MUC3A: variants seen among roughly 807,000 people sequenced by gnomAD.
The protein encoded by MUC3A is mucin-3A.
Under a neutral mutation model 109.0 loss-of-function variants are expected in MUC3A, and 109 were observed. That is an observed-to-expected ratio of 1.00 (90% CI 0.86 to 1.17). The LOEUF is 1.17. Among genes scored for constraint, MUC3A ranks in the 50% most tolerant of loss-of-function variants. The probability of loss-of-function intolerance (pLI) is 0.00; values close to 1 mark genes in which losing one functional copy is unlikely to be tolerated. For missense variants in MUC3A, 3,537 were observed against 2,469.4 expected (o/e 1.43, Z -9.16); for synonymous variants, 1,398 against 981.4 (o/e 1.42, Z -7.93).
In MUC3A at chr7:100,957,849, C is replaced by T. The variant is rs1296042653; in HGVS notation, c.6070C>T (p.Pro2024Ser). The change falls in exon 2 of 12, where the codon CCC becomes TCC. Residue 2024 changes from proline to serine, a missense_variant. By Grantham distance (74) the Pro-to-Ser change is moderately conservative. Transcript: ENST00000379458. ...CACTGAGACCACATCCCACAATACT[C>T]CCAGCTTGACTTCTTCGATCACAAC... ...TTTETTSHNT[P>S]SLTSSITTTE... 2.0e-5 allele frequency: 10 copies of T among 492,258 alleles called. No homozygotes were observed. The highest frequency in any genetic ancestry group is 2.9e-5 in the Non-Finnish European group (9 of 308,448). The allele number at this position is 492,258 out of a possible 1,614,324, so 30.5% of individuals were successfully genotyped here. A position where few individuals can be genotyped will look rare whatever the true frequency, so the allele number is the denominator to read the frequency against.
At position 100,964,725 on chromosome 7, in the gene MUC3A, C is replaced by T. The variant is rs757620387; in HGVS notation, c.9264C>T (p.Val3088=). The T allele has an allele frequency of 2.5e-6, 4 of 1,598,336 alleles. No homozygotes were observed. In the African/African-American group the frequency reaches 5.3e-5, roughly 21 times the overall value. Residue 3088 remains valine, a synonymous_variant, in exon 6 of 12, where the codon GTC becomes GTT. Coordinates refer to ENST00000379458, the MANE Select transcript of MUC3A (RefSeq NM_005960.2). ...RNGSIVVDYL[V]LLEMPFSPQL... is the part of the protein sequence containing the mutation. ...GCAGCATCGTGGTGGACTACCTGGT[C>T]CTGCTGGAGATGCCCTTCAGCCCCC... is the stretch of plus-strand genomic sequence containing the variant.
Position 100,965,762 on chromosome 7 carries a change from G to A in MUC3A, c.9507G>A (p.Glu3169=), listed in dbSNP as rs753775489. The A allele has an allele frequency of 3.8e-6, 6 of 1,598,448 alleles. No homozygotes were observed. The South Asian group carries it at 6.6e-5, about 18-fold the overall frequency. Residue 3169 remains glutamate (E), a synonymous_variant, in exon 8 of 12, where the codon GAG becomes GAA. Coordinates refer to ENST00000379458, the MANE Select transcript of MUC3A (RefSeq NM_005960.2). The stretch of plus-strand genomic sequence containing the variant: ...AAGAGTTCTACTTCCCCTTGGTGGA[G>A]GCCACCCGGCTCCGCTGTGTCACCA... ...GYEEFYFPLV[E]ATRLRCVTKC...
rs769344135 is a variant in MUC3A, at chr7:100,952,751, C to T, written c.972C>T (p.Thr324=). Residue 324 remains threonine, a synonymous_variant, in exon 2 of 12, where the codon ACC becomes ACT. Transcript: ENST00000379458. Reference sequence around the variant, plus strand: ...CCTTGGTGACCACACTCCCCACTACCATCAGCAGGTCTACACCTACATCTG... The same window carrying T: ...CCTTGGTGACCACACTCCCCACTACTATCAGCAGGTCTACACCTACATCTG... ...LSTLVTTLPT[T]ISRSTPTSET... is the part of the protein sequence containing the mutation. The T allele has an allele frequency of 9.5e-6, 15 of 1,579,490 alleles. No homozygotes were observed. Among genetic ancestry groups the T allele is most frequent in the African/African-American group, 1.3e-5 (1 of 74,478 alleles).
rs1792513876 is a variant in MUC3A, at chr7:100,965,800, G to A, written c.9545G>A (p.Gly3182Glu). 2 of 1,597,624 alleles carry A rather than the reference G, an allele frequency of 1.3e-6. No individual in the cohort carries two copies. Among genetic ancestry groups the A allele is most frequent in the Non-Finnish European group, 1.7e-6 (2 of 1,179,102 alleles). ...RLRCVTKCTS[G>E]VDNAIDCHQG... ...CGCTGTGTCACCAAATGCACGTCGG[G>A]GGTGGACAACGCCATCGACTGTCAC... The change falls in exon 8 of 12, where the codon GGG (glycine) becomes GAG (glutamate). Residue 3182 changes from glycine to glutamate, a missense_variant. Gly to Glu is a moderately conservative substitution (Grantham distance 98, BLOSUM62 -2). Transcript: ENST00000379458.
rs777390370 is a variant in MUC3A at position 100,959,614 on chromosome 7, A to C, written c.7835A>C (p.His2612Pro). 5 of 1,598,262 alleles carry C rather than the reference A, an allele frequency of 3.1e-6. No homozygotes were observed. The African/African-American group carries it at 4.0e-5, about 13-fold the overall frequency. Residue 2612 changes from histidine (H) to proline (P), a missense_variant, in exon 2 of 12, where the codon CAT becomes CCT. Physicochemically the swap from His to Pro is moderately conservative, Grantham distance 77. Coordinates refer to ENST00000379458, the MANE Select transcript of MUC3A (RefSeq NM_005960.2). Reference protein sequence around the residue: ...GSTDSSTSTLHTLTPSTALST... With the variant: ...GSTDSSTSTLPTLTPSTALST... ...ACGGATTCCTCCACGTCCACTCTTCATACTCTTACTCCATCAACAGCCTTG... is the reference window on the plus strand; with the variant it reads ...ACGGATTCCTCCACGTCCACTCTTCCTACTCTTACTCCATCAACAGCCTTG...
rs1222013489 is a variant in MUC3A at position 100,967,495 on chromosome 7, G to A, written c.*333G>A. The A allele has an allele frequency of 1.1e-5, 6 of 540,952 alleles. No homozygotes were observed. The East Asian group carries it at 1.8e-4, about 16-fold the overall frequency. The allele number at this position is 540,952 out of a possible 1,614,324, so 33.5% of individuals were successfully genotyped here. A position where few individuals can be genotyped will look rare whatever the true frequency, so the allele number is the denominator to read the frequency against. On this transcript the variant is annotated 3_prime_UTR_variant, in exon 12 of 12. Transcript: ENST00000379458. Reference sequence around the variant, plus strand: ...AACCACATAGACTTGGTCAATTCTCGGTCCTACTCTGCCCTCCCGTCTCAG... The same window carrying A: ...AACCACATAGACTTGGTCAATTCTCAGTCCTACTCTGCCCTCCCGTCTCAG...
Position 100,966,413 on chromosome 7 carries a change from C to G in MUC3A, c.9639C>G (p.Phe3213Leu), listed in dbSNP as rs768626823. Residue 3213 changes from phenylalanine to leucine, a missense_variant, in exon 9 of 12, where the codon TTC becomes TTG. Physicochemically the swap from Phe to Leu is conservative, Grantham distance 22 (BLOSUM62 0). Coordinates refer to ENST00000379458, the MANE Select transcript of MUC3A (RefSeq NM_005960.2). ...CRCYSTDTHWFSGPRCEVAVH... is the reference protein window; with the variant it reads ...CRCYSTDTHWLSGPRCEVAVH... ...GCTACTCCACCGACACGCACTGGTTCTCTGGCCCGCGCTGCGAGGTGGCCG... is the reference window on the plus strand; with the variant it reads ...GCTACTCCACCGACACGCACTGGTTGTCTGGCCCGCGCTGCGAGGTGGCCG... 2 of 1,350,734 alleles carry G rather than the reference C, an allele frequency of 1.5e-6. No individual in the cohort carries two copies. Among genetic ancestry groups the G allele is most frequent in the African/African-American group, 1.5e-5 (1 of 66,952 alleles). 83.7% of individuals were successfully genotyped at this position (1,350,734 alleles called of 1,614,324 possible).
chr7:100,967,129 C>A lies in MUC3A; in HGVS notation c.9939C>A (p.Ile3313=). The A allele has an allele frequency of 6.3e-7, 1 of 1,598,558 alleles. No individual in the cohort carries two copies. Among genetic ancestry groups the A allele is most frequent in the Non-Finnish European group, 8.5e-7 (1 of 1,179,826 alleles). The change falls in exon 12 of 12, where the codon ATC becomes ATA. Residue 3313 remains isoleucine, a synonymous_variant. Coordinates refer to ENST00000379458, the MANE Select transcript of MUC3A (RefSeq NM_005960.2). ...CACTGTGACTCTGACAGGTGCACATCAAGAGACCCGAGATGACCTCGTCCT... is the reference window on the plus strand; with the variant it reads ...CACTGTGACTCTGACAGGTGCACATAAAGAGACCCGAGATGACCTCGTCCT... ...ENVDTTMKVH[I]KRPEMTSSSV
chr7:100,963,678 G>A lies in MUC3A; in HGVS notation c.9169-10G>A, dbSNP rs1314524042. 1.9e-5 allele frequency: 31 copies of A among 1,598,436 alleles called. No homozygotes were observed. In the Admixed American group the frequency reaches 5.2e-4, roughly 27 times the overall value. On this transcript the variant is annotated splice_polypyrimidine_tract_variant and intron_variant, in intron 4 of 11. Transcript: ENST00000379458. ...TTCGGACGTGAGCCCAGGGATCCTT[G>A]GTGTTTCAGATGCAGAAGATTTTTG...
chr7:100,951,027 T>G (rs1009167245), intron 1 of MUC3A, among the ~76,000 whole-genome samples: 3 of 151,960 alleles, frequency 2.0e-5, no homozygotes, highest in African/African-American at 7.3e-5. Flanking sequence ...TGTTTTTGTT[T>G]TTGATGGAGT....
At chr7:100,964,884 C>A in intron 6 of MUC3A, 41 bp downstream of exon 6, 1 of 1,560,078 alleles carries the variant, frequency 6.4e-7, no homozygotes, top group South Asian at 1.2e-5. Context: ...CCTGAGGTGT[C>A]ACCCCAGCCC....
At position 100,958,802 on chromosome 7, in the gene MUC3A, C is replaced by G. The variant is rs36173989; in HGVS notation, c.7023C>G (p.Phe2341Leu). The G allele has an allele frequency of 7.0e-7, 1 of 1,432,520 alleles. No individual in the cohort carries two copies. 88.7% of individuals were successfully genotyped at this position (1,432,520 alleles called of 1,614,324 possible). A position where few individuals can be genotyped will look rare whatever the true frequency, so the allele number is the denominator to read the frequency against. ...TETTSHNTRSFTSSITTTETN... is the reference protein window; with the variant it reads ...TETTSHNTRSLTSSITTTETN... ...CCACCTCACACAATACTCGCAGCTT[C>G]ACTTCTTCGATCACCACCACCGAGA... Residue 2341 changes from phenylalanine to leucine, a missense_variant, in exon 2 of 12, where the codon TTC (phenylalanine) becomes TTG (leucine). By Grantham distance (22) the Phe-to-Leu change is conservative. Transcript: ENST00000379458.
At chr7:100,963,885 C>T in intron 5 of MUC3A, 133 bp downstream of exon 5, 2 of 1,282,398 alleles carry the variant, frequency 1.6e-6, no homozygotes, top group Non-Finnish European at 2.2e-6. Flanking sequence ...AGGAATCACT[C>T]CCTGGGTATT....
chr7:100,966,611 G>C, intron 9 of MUC3A, 41 bp from the exon 10 acceptor site: 1 of 1,598,070 alleles, frequency 6.3e-7, no homozygotes, highest in African/African-American at 1.3e-5. Context: ...AGGGGTCCCA[G>C]GCGGGCCGGC....
intron 5 of MUC3A, 88 bp from the exon 6 acceptor site, chr7:100,964,607 G>A: frequency 6.6e-7 from 1 of 1,504,628 alleles, no homozygotes. Flanking sequence ...TCCCCCTTCT[G>A]GTGCACTTTG....
chr7:100,953,122 C>A lies in MUC3A; in HGVS notation c.1343C>A (p.Pro448Gln). Residue 448 changes from proline to glutamine, a missense_variant, in exon 2 of 12, where the codon CCA (proline) becomes CAA (glutamine). Physicochemically the swap from Pro to Gln is moderately conservative, Grantham distance 76. Coordinates refer to ENST00000379458, the MANE Select transcript of MUC3A (RefSeq NM_005960.2). The stretch of plus-strand genomic sequence containing the variant: ...AGTACAGACATCCCTTTCACAACAC[C>A]AACAACTATCACCCACCATTCTGTG... ...SLSTDIPFTT[P>Q]TTITHHSVGS... 1 of 607,432 alleles carries A rather than the reference C, an allele frequency of 1.6e-6. No individual in the cohort carries two copies. Among genetic ancestry groups the A allele is most frequent in the East Asian group, 3.2e-5 (1 of 31,408 alleles). The allele number at this position is 607,432 out of a possible 1,614,324, so 37.6% of individuals were successfully genotyped here. A position where few individuals can be genotyped will look rare whatever the true frequency, so the allele number is the denominator to read the frequency against.
In MUC3A at chr7:100,951,944, G is replaced by A. The variant is rs1444566214; in HGVS notation, c.165G>A (p.Gly55=). Residue 55 remains glycine, a synonymous_variant, in exon 2 of 12, where the codon GGG becomes GGA. Coordinates refer to ENST00000379458, the MANE Select transcript of MUC3A (RefSeq NM_005960.2). The part of the protein sequence containing the change: ...SNSPHSRDLA[G]WPLGVPQLAS... The stretch of plus-strand genomic sequence containing the variant: ...CTCCACACTCCAGAGACCTGGCTGG[G>A]TGGCCACTTGGTGTCCCCCAGCTCG... 13 of 1,598,636 alleles carry A rather than the reference G, an allele frequency of 8.1e-6. No individual in the cohort carries two copies. Among genetic ancestry groups the A allele is most frequent in the Non-Finnish European group, 1.1e-5 (13 of 1,179,804 alleles).
intron 1 of MUC3A, 69 bp from the exon 2 acceptor site, chr7:100,951,772 T>C (rs921697175): frequency 3.8e-6 from 6 of 1,561,408 alleles, no homozygotes; most frequent in Non-Finnish European, 5.2e-6. Flanking sequence ...GTGAGTAGCT[T>C]ACATGAGTGA....
Position 100,952,167 on chromosome 7 carries a change from T to C in MUC3A, c.388T>C (p.Tyr130His), listed in dbSNP as rs767499373. ...LVYSATTECV[Y>H]PTSFIITISH... ...CTATTCAGCCACCACTGAGTGCGTG[T>C]ATCCAACGAGCTTTATAATCACCAT... Residue 130 changes from tyrosine to histidine, a missense_variant, in exon 2 of 12, where the codon TAT (tyrosine) becomes CAT (histidine). Coordinates refer to ENST00000379458, the MANE Select transcript of MUC3A (RefSeq NM_005960.2). 1.3e-6 allele frequency: 2 copies of C among 1,598,514 alleles called. No individual in the cohort carries two copies. The highest frequency in any genetic ancestry group is 1.7e-5 in the Admixed American group (1 of 60,030).
Sources: gnomAD v4.1 joint callset for allele counts (sites outside exome capture counted in the v4.1 genomes callset) on GRCh38, gnomAD v4.1.1 for gene constraint, MANE v1.5 for transcripts, NCBI Gene and HGNC (gene_info 2026-07-23, HGNC 2026-07-21) for gene names.